Variants in CHODL observed in about 807,000 individuals in gnomAD.
CHODL encodes chondrolectin.
Under a neutral mutation model 34.5 loss-of-function variants are expected in CHODL, and 29 were observed. That is an observed-to-expected ratio of 0.84 (90% CI 0.63 to 1.15). The LOEUF (loss-of-function observed/expected upper bound fraction) is 1.15, where lower values mean the gene tolerates loss of function less well. Among genes scored for constraint, CHODL ranks in the 50% most tolerant of loss-of-function variants. The pLI is 0.00. For missense variants in CHODL, 332 were observed against 332.5 expected (o/e 1.00, Z 0.01); for synonymous variants, 125 against 116.1 (o/e 1.08, Z -0.49).
At chr21:18,216,851 A>G (rs2073834460) in intron 2 of CHODL, among the ~76,000 whole-genome samples, 1 of 152,108 alleles carries the variant, frequency 6.6e-6, no homozygotes, top group Non-Finnish European at 1.5e-5. Context: ...CTCCCTTAAT[A>G]TCATAAGAAC....
intron 2 of CHODL, among the ~76,000 whole-genome samples, chr21:18,035,687 C>A (rs1008244400): frequency 1.3e-5 from 2 of 152,088 alleles, no homozygotes; most frequent in South Asian, 4.1e-4. Flanking sequence ...GCTATGTTTT[C>A]ATATTCACTA....
At chr21:18,088,704 G>T (rs1220023690) in intron 2 of CHODL, among the ~76,000 whole-genome samples, 2 of 152,118 alleles carry the variant, frequency 1.3e-5, no homozygotes, top group African/African-American at 4.8e-5. Flanking sequence ...TTCTCTCATA[G>T]ACAATCTGTT....
chr21:18,262,743 A>T, intron 4 of CHODL, 48 bp from the exon 5 acceptor site: 1 of 1,091,074 alleles, frequency 9.2e-7, no homozygotes, highest in Non-Finnish European at 1.4e-6. Context: ...TTTGCTTTAG[A>T]ATTCTTCCTC....
At chr21:18,083,349 C>T (rs1302656726) in intron 2 of CHODL, among the ~76,000 whole-genome samples, 1 of 152,222 alleles carries the variant, frequency 6.6e-6, no homozygotes, top group Non-Finnish European at 1.5e-5. Flanking sequence ...AGGGGTAGAA[C>T]CTTCATGGAG....
chr21:18,196,832 G>A (rs61572693), intron 2 of CHODL, among the ~76,000 whole-genome samples: 21,984 of 152,096 alleles, frequency 0.14, 1,895 homozygotes, highest in African/African-American at 0.24. Flanking sequence ...TGGGAGCAAT[G>A]GGGTGATGTT....
intron 1 of CHODL, among the ~76,000 whole-genome samples, chr21:17,943,553 C>T (rs1505266): frequency 0.43 from 65,347 of 151,966 alleles, 14,351 homozygotes; most frequent in East Asian, 0.61. Context: ...AGTAAGAAGT[C>T]TTGGGCCCCA....
At position 18,003,123 on chromosome 21, in the gene CHODL, A is replaced by C. The variant is rs1327115799; in HGVS notation, c.-144-24749A>C. Among the ~76,000 whole-genome samples the C allele has an allele frequency of 3.6e-3, 445 of 122,434 alleles. 1 individual carries two copies. The highest frequency in any genetic ancestry group is 0.012 in the African/African-American group (427 of 35,792). The allele number at this position is 122,434 out of a possible 152,430, so 80.3% of individuals were successfully genotyped here. A position where few individuals can be genotyped will look rare whatever the true frequency, so the allele number is the denominator to read the frequency against. On this transcript the variant is annotated intron_variant, in intron 1 of 6. Coordinates refer to the CHODL transcript ENST00000400127. ...TGGGCGACAGCGAGACTCCGTCTCA[A>C]AAAAAAAAAAAACAAAAAAAAAACC...
At chr21:17,976,160 A>G (rs1048479672) in intron 1 of CHODL, among the ~76,000 whole-genome samples, 5 of 147,218 alleles carry the variant, frequency 3.4e-5, no homozygotes, top group African/African-American at 1.2e-4. Flanking sequence ...AGTCCTAGTT[A>G]CTTGGGGGGC....
At chr21:18,058,020 A>T (rs1373719180) in intron 2 of CHODL, among the ~76,000 whole-genome samples, 1 of 152,116 alleles carries the variant, frequency 6.6e-6, no homozygotes, top group Non-Finnish European at 1.5e-5. Context: ...GATTCTATAC[A>T]TTATTGTTAA....
At chr21:18,042,655 C>G (rs1469812662) in intron 2 of CHODL, among the ~76,000 whole-genome samples, 1 of 151,852 alleles carries the variant, frequency 6.6e-6, no homozygotes, top group African/African-American at 2.4e-5. Context: ...CCATTTTGTT[C>G]AAAATGTGCT....
chr21:18,093,620 T>C (rs1354455468), intron 2 of CHODL, among the ~76,000 whole-genome samples: 3 of 152,208 alleles, frequency 2.0e-5, no homozygotes, highest in Non-Finnish European at 4.4e-5. Flanking sequence ...ATTAGTTTTC[T>C]TTTTGCATGT....
At chr21:17,981,768 T>C (rs1383878866) in intron 1 of CHODL, among the ~76,000 whole-genome samples, 1 of 152,196 alleles carries the variant, frequency 6.6e-6, no homozygotes, top group East Asian at 1.9e-4. Context: ...CTAGTTCCTA[T>C]ATATTTTTGT....
intron 2 of CHODL, among the ~76,000 whole-genome samples, chr21:18,141,027 G>T (rs1001063781): frequency 2.6e-5 from 4 of 151,974 alleles, no homozygotes; most frequent in Non-Finnish European, 5.9e-5. Context: ...TTTTATATGG[G>T]AGTTACTGGG....
In CHODL at chr21:18,256,969, G is replaced by A; in HGVS notation, c.390-1G>A. On this transcript the variant is annotated splice_acceptor_variant, in intron 2 of 5. Coordinates refer to ENST00000299295, the MANE Select transcript of CHODL (RefSeq NM_024944.3). LOFTEE classifies it high-confidence loss of function. ...GTGTTCCTATTACTCTCTGTTTGCAGAAACTGGTACACAGATGAACCTTCC... is the reference window on the plus strand; with the variant it reads ...GTGTTCCTATTACTCTCTGTTTGCAAAAACTGGTACACAGATGAACCTTCC... 1 of 1,611,414 alleles carries A rather than the reference G, an allele frequency of 6.2e-7. No homozygotes were observed. Among genetic ancestry groups the A allele is most frequent in the Non-Finnish European group, 8.5e-7 (1 of 1,178,844 alleles).
rs528506184 is a variant in CHODL at position 18,194,420 on chromosome 21, C to A, written c.-44-62089C>A. Among the ~76,000 whole-genome samples the A allele has an allele frequency of 5.9e-5, 9 of 152,292 alleles. No individual in the cohort carries two copies. In the South Asian group the frequency reaches 1.9e-3, roughly 32 times the overall value. On this transcript the variant is annotated intron_variant, in intron 2 of 6. Coordinates refer to the CHODL transcript ENST00000400127. ...TGTTCTCTGAAGGAGCCAAGCTCAT[C>A]CCCAGCTTTCTCCTTTGCACTAGCT...
intron 2 of CHODL, among the ~76,000 whole-genome samples, chr21:18,086,163 TG>T (rs928972197): frequency 1.3e-5 from 2 of 151,722 alleles, no homozygotes; most frequent in African/African-American, 4.8e-5. Flanking sequence ...GAATGTCTTT[TG>T]TATTTCTTTC....
At chr21:18,121,357 T>G (rs1391749760) in intron 2 of CHODL, among the ~76,000 whole-genome samples, 1 of 152,206 alleles carries the variant, frequency 6.6e-6, no homozygotes, top group Admixed American at 6.5e-5. Flanking sequence ...TGGGCTGCAT[T>G]CAAAGTCATT....
chr21:18,223,485 C>T (rs2073903182), intron 2 of CHODL, among the ~76,000 whole-genome samples: 1 of 152,152 alleles, frequency 6.6e-6, no homozygotes, highest in African/African-American at 2.4e-5. Context: ...AAGATCAATA[C>T]TCCAGAATAA....
chr21:18,143,463 GT>G, intron 2 of CHODL, among the ~76,000 whole-genome samples: 1 of 151,902 alleles, frequency 6.6e-6, no homozygotes, highest in Admixed American at 6.5e-5. Flanking sequence ...CTGTCAATGG[GT>G]ACCGTTGAAA....
Sources: allele counts gnomAD v4.1 joint callset (sites outside exome capture counted in the v4.1 genomes callset), GRCh38; gene constraint gnomAD v4.1.1; transcripts MANE v1.5; gene names NCBI Gene and HGNC (gene_info 2026-07-23, HGNC 2026-07-21).